The following PIK3R6 variants were observed in gnomAD, a reference collection of about 807,000 sequenced individuals.
PIK3R6 encodes the protein phosphoinositide 3-kinase regulatory subunit 6.
PIK3R6 carries 91 observed loss-of-function variants against 84.9 expected under a neutral mutation model. The observed-to-expected ratio is 1.07, with a 90% confidence interval of 0.90 to 1.28. The LOEUF (loss-of-function observed/expected upper bound fraction) is 1.28, where lower values mean the gene tolerates loss of function less well. Among genes scored for constraint, PIK3R6 ranks in the 50% most tolerant of loss-of-function variants. The pLI, the probability that PIK3R6 is intolerant of heterozygous loss-of-function variation, is 0.00. For missense variants in PIK3R6, 996 were observed against 985.1 expected (o/e 1.01, Z -0.15); for synonymous variants, 416 against 411.4 (o/e 1.01, Z -0.13).
At position 8,823,509 on chromosome 17, in the gene PIK3R6, A is replaced by T; in HGVS notation, c.1516-12T>A. ...TCCAGGGAAGGAGGCTGTGATGGAGACAGGGAATGTCTTCACCAACTCCCC... is the reference window on the plus strand; with the variant it reads ...TCCAGGGAAGGAGGCTGTGATGGAGTCAGGGAATGTCTTCACCAACTCCCC... On this transcript the variant is annotated splice_polypyrimidine_tract_variant and intron_variant, in intron 13 of 19. Transcript: ENST00000619866. The T allele has an allele frequency of 6.4e-7, 1 of 1,570,166 alleles. No homozygotes were observed. The highest frequency in any genetic ancestry group is 8.8e-7 in the Non-Finnish European group (1 of 1,141,750).
chr17:8,850,039 C>T (rs1266364607), intron 1 of PIK3R6, among the ~76,000 whole-genome samples, 154 bp from the exon 2 acceptor site: 2 of 152,202 alleles, frequency 1.3e-5, no homozygotes, highest in Admixed American at 6.5e-5. Flanking sequence ...TGCAGTGGCT[C>T]ATGCCTGTAA....
Position 8,803,808 on chromosome 17 carries a change from G to A in PIK3R6, c.2108+233C>T. The stretch of plus-strand genomic sequence containing the variant: ...CTGAGTGTATGCAGAGGCATCTGGG[G>A]AAAATGCAATATCAGCTGCTGCCCT... On this transcript the variant is annotated intron_variant, in intron 19 of 19. Transcript: ENST00000619866. The surrounding 1 kb of genome is among the most constrained non-coding windows in gnomAD (Gnocchi z 5.0). 1 of 589,540 alleles carries A rather than the reference G, an allele frequency of 1.7e-6. No homozygotes were observed. The highest frequency in any genetic ancestry group is 3.0e-6 in the Non-Finnish European group (1 of 330,540). 36.5% of individuals were successfully genotyped at this position (589,540 alleles called of 1,614,324 possible).
Position 8,832,973 on chromosome 17 carries a change from C to A in PIK3R6, c.718G>T (p.Ala240Ser). 6.2e-7 allele frequency: 1 copy of A among 1,612,156 alleles called. No homozygotes were observed. Among genetic ancestry groups the A allele is most frequent in the Non-Finnish European group, 8.5e-7 (1 of 1,179,710 alleles). The change falls in exon 9 of 20, where the codon GCC (alanine) becomes TCC (serine). Residue 240 changes from alanine (A) to serine (S), a missense_variant. Ala to Ser is a moderately conservative substitution (Grantham distance 99, BLOSUM62 1). Coordinates refer to ENST00000619866, the MANE Select transcript of PIK3R6 (RefSeq NM_001010855.4). ...VAALEQMASE[A>S]SPSREGHVER... Reference sequence around the variant, plus strand: ...ACGTGTCCCTCCCGGCTCGGGCTGGCCTCGCTGGCCATCTGCTCCAAGGCG... The same window carrying A: ...ACGTGTCCCTCCCGGCTCGGGCTGGACTCGCTGGCCATCTGCTCCAAGGCG...
chr17:8,822,901 G>A (rs2087788416), intron 15 of PIK3R6, 95 bp downstream of exon 15: 2 of 1,092,464 alleles, frequency 1.8e-6, no homozygotes, highest in South Asian at 2.5e-5. Flanking sequence ...CTGAGGGTGT[G>A]GGCGTGCAGG....
At chr17:8,860,355 G>C (rs1195294630) in intron 1 of PIK3R6, among the ~76,000 whole-genome samples, 4 of 152,096 alleles carry the variant, frequency 2.6e-5, no homozygotes, top group Non-Finnish European at 5.9e-5. Flanking sequence ...CGCATGCAAG[G>C]GATCCAGGCT....
At chr17:8,828,472 C>T in intron 11 of PIK3R6, 95 bp downstream of exon 11, 1 of 1,464,126 alleles carries the variant, frequency 6.8e-7, no homozygotes, top group South Asian at 1.3e-5. Flanking sequence ...CCTCCTGACC[C>T]TCTCTTGCCA....
Position 8,861,196 on chromosome 17 carries a change from A to G in PIK3R6, c.-92+6333T>C, listed in dbSNP as rs537131490. Among the ~76,000 whole-genome samples, 703 of 151,230 alleles carry G rather than the reference A, an allele frequency of 4.6e-3. 1 individual carries two copies. The highest frequency in any genetic ancestry group is 0.01 in the Middle Eastern group (3 of 292). On this transcript the variant is annotated intron_variant, in intron 1 of 19. Transcript: ENST00000619866. ...GACTCTGTCTCAAAAAAAAAAAAAA[A>G]AAAGAAAGAAAGAAAGCAGACGTGT...
rs1239365496 is a variant in PIK3R6 at position 8,839,313 on chromosome 17, A to T, written c.97+301T>A. ...TGGTGAGCCGAGTTTGCACCACTGCACTGCAGCCTGGGTGACAGAGTAGGA... is the reference window on the plus strand; with the variant it reads ...TGGTGAGCCGAGTTTGCACCACTGCTCTGCAGCCTGGGTGACAGAGTAGGA... On this transcript the variant is annotated intron_variant, in intron 3 of 19. Transcript: ENST00000619866. This position sits in a 1 kb window ranked among gnomAD's most constrained non-coding sequence, Gnocchi z 4.2. Among the ~76,000 whole-genome samples the T allele has an allele frequency of 6.6e-6, 1 of 152,078 alleles. No homozygotes were observed. Among genetic ancestry groups the T allele is most frequent in the Non-Finnish European group, 1.5e-5 (1 of 68,002 alleles).
intron 1 of PIK3R6, among the ~76,000 whole-genome samples, chr17:8,851,681 G>A (rs565195539): frequency 5.3e-5 from 8 of 152,256 alleles, no homozygotes; most frequent in East Asian, 1.9e-4. Context: ...ACATGGCATC[G>A]CCGCTGTGGA....
intron 2 of PIK3R6, among the ~76,000 whole-genome samples, chr17:8,845,172 T>G (rs2088786891): frequency 1.3e-5 from 2 of 152,202 alleles, no homozygotes; most frequent in Admixed American, 6.5e-5. Flanking sequence ...GATTTGTTTT[T>G]GGGGGGATAT....
intron 1 of PIK3R6, among the ~76,000 whole-genome samples, chr17:8,864,320 C>T (rs1028571335): frequency 1.3e-5 from 2 of 151,852 alleles, no homozygotes; most frequent in Admixed American, 6.6e-5. Flanking sequence ...CTCCTTGCGG[C>T]GCCCCTAGGA....
chr17:8,861,551 C>T (rs1421147579), intron 1 of PIK3R6, among the ~76,000 whole-genome samples: 1 of 152,232 alleles, frequency 6.6e-6, no homozygotes, highest in East Asian at 1.9e-4. Context: ...TCTCACCGTT[C>T]TGGTCTGTCC....
At chr17:8,833,596 C>G (rs998747723) in intron 8 of PIK3R6, among the ~76,000 whole-genome samples, 1 of 144,434 alleles carries the variant, frequency 6.9e-6, no homozygotes, top group African/African-American at 2.6e-5. Flanking sequence ...GGCTGGAGTG[C>G]AGTGGTGTGA....
chr17:8,856,692 G>A (rs974222488), intron 1 of PIK3R6, among the ~76,000 whole-genome samples: 4 of 152,112 alleles, frequency 2.6e-5, no homozygotes, highest in African/African-American at 9.7e-5. Flanking sequence ...GTGTGTGTCA[G>A]TCTCTTACCT....
At position 8,804,082 on chromosome 17, in the gene PIK3R6, C is replaced by A. The variant is rs750103119; in HGVS notation, c.2067G>T (p.Ser689=). 6.2e-7 allele frequency: 1 copy of A among 1,613,896 alleles called. No individual in the cohort carries two copies. Among genetic ancestry groups the A allele is most frequent in the African/African-American group, 1.3e-5 (1 of 74,940 alleles). ...QSRDQRLLTL[S]LDKDDQRTFR... ...AAGTGCGTTGATCGTCCTTGTCCAG[C>A]GACAGTGTCAGCAGCCTCTGGTCCC... Residue 689 remains serine (S), a synonymous_variant, in exon 19 of 20, where the codon TCG becomes TCT. Coordinates refer to ENST00000619866, the MANE Select transcript of PIK3R6 (RefSeq NM_001010855.4).
chr17:8,826,562 G>A (rs1359794673), intron 13 of PIK3R6, among the ~76,000 whole-genome samples: 3 of 152,170 alleles, frequency 2.0e-5, no homozygotes, highest in Non-Finnish European at 2.9e-5. Flanking sequence ...TCACTCGTAA[G>A]TGGGAGCTGA....
chr17:8,829,214 G>A (rs4310910), intron 10 of PIK3R6, among the ~76,000 whole-genome samples: 1 of 150,438 alleles, frequency 6.6e-6, no homozygotes, highest in Non-Finnish European at 1.5e-5. Flanking sequence ...CACACACACA[G>A]ACACACACAC....
At chr17:8,854,241 T>C (rs1245248056) in intron 1 of PIK3R6, among the ~76,000 whole-genome samples, 3 of 151,990 alleles carry the variant, frequency 2.0e-5, no homozygotes, top group Non-Finnish European at 4.4e-5. Flanking sequence ...CTCCGCCTCC[T>C]GGGTTCAAGC....
At chr17:8,825,561 G>A (rs981826612) in intron 13 of PIK3R6, among the ~76,000 whole-genome samples, 1 of 152,198 alleles carries the variant, frequency 6.6e-6, no homozygotes, top group Admixed American at 6.5e-5. Context: ...GTACACGTAA[G>A]TATTTAGCAA....
Sources: gnomAD v4.1 joint callset for allele counts (sites outside exome capture counted in the v4.1 genomes callset) on GRCh38, gnomAD v4.1.1 for gene constraint, Gnocchi (gnomAD v3.1) non-coding constraint, MANE v1.5 for transcripts, NCBI Gene and HGNC (gene_info 2026-07-23, HGNC 2026-07-21) for gene names.